The following ADCY2 variants were observed in gnomAD, a reference collection of about 807,000 sequenced individuals.
ADCY2 encodes adenylate cyclase type 2.
Under a neutral mutation model 125.2 loss-of-function variants are expected in ADCY2, and 31 were observed. The ratio of observed to expected loss-of-function variants is 0.25; its 90% CI spans 0.19 to 0.33. ADCY2 has a LOEUF of 0.33. Among genes scored for constraint, ADCY2 ranks in the 10% least tolerant of loss-of-function variants. ADCY2 has a pLI of 1.00. For synonymous variants in ADCY2, 512 were observed against 548.4 expected, an observed-to-expected ratio of 0.93 and a Z score of 0.93; for missense variants, 904 against 1,418.2, an observed-to-expected ratio of 0.64 and a Z score of 5.82.
intron 1 of ADCY2, among the ~76,000 whole-genome samples, chr5:7,410,769 C>T (rs1378787333): frequency 6.6e-6 from 1 of 151,978 alleles, no homozygotes; most frequent in Non-Finnish European, 1.5e-5. Flanking sequence ...GGTGAGGATA[C>T]ATAGGAATAT....
chr5:7,452,852 T>C (rs1018741838), intron 2 of ADCY2, among the ~76,000 whole-genome samples: 2 of 152,246 alleles, frequency 1.3e-5, no homozygotes, highest in Admixed American at 6.5e-5. Context: ...TGATGATTAA[T>C]GATGTTGAAC....
At chr5:7,601,085 C>T (rs1737184963) in intron 3 of ADCY2, among the ~76,000 whole-genome samples, 1 of 152,104 alleles carries the variant, frequency 6.6e-6, no homozygotes, top group Non-Finnish European at 1.5e-5. Context: ...GTCTCAAAGC[C>T]TTCAGTGGAT....
intron 3 of ADCY2, among the ~76,000 whole-genome samples, chr5:7,582,685 A>G (rs1736475188): frequency 6.6e-6 from 1 of 152,170 alleles, no homozygotes; most frequent in South Asian, 2.1e-4. Context: ...TAACCCTCCT[A>G]TGTGATTAAA....
chr5:7,476,581 A>G (rs766921281), intron 2 of ADCY2, among the ~76,000 whole-genome samples: 4 of 152,106 alleles, frequency 2.6e-5, no homozygotes, highest in Non-Finnish European at 5.9e-5. Flanking sequence ...GTCTCAGTGT[A>G]AGGCCACCAG....
intron 12 of ADCY2, among the ~76,000 whole-genome samples, chr5:7,722,968 A>AAAAAAAAAAAAAAAAAAAG (rs1741809434): frequency 7.5e-6 from 1 of 133,606 alleles, no homozygotes. Context: ...CTCAAAAAAA[A>AAAAAAAAAAAAAAAAAAAG]AAAAAAAAAA....
At chr5:7,482,205 G>A (rs994130815) in intron 2 of ADCY2, among the ~76,000 whole-genome samples, 2 of 152,086 alleles carry the variant, frequency 1.3e-5, no homozygotes, top group Non-Finnish European at 1.5e-5. Flanking sequence ...CCATAAACCT[G>A]TTGTTCACTT....
chr5:7,728,672 C>T (rs759822826), intron 14 of ADCY2, among the ~76,000 whole-genome samples: 17 of 152,168 alleles, frequency 1.1e-4, no homozygotes, highest in Non-Finnish European at 1.6e-4. Context: ...AAGCTACATA[C>T]GTGAAATAAC....
chr5:7,727,318 C>T (rs1741963072), intron 14 of ADCY2, 57 bp downstream of exon 14: 1 of 1,374,598 alleles, frequency 7.3e-7, no homozygotes, highest in African/African-American at 1.4e-5. Flanking sequence ...CCACTGGAGC[C>T]CAGTTATATT....
At chr5:7,750,759 G>T (rs117170829) in intron 15 of ADCY2, among the ~76,000 whole-genome samples, 4 of 151,822 alleles carry the variant, frequency 2.6e-5, no homozygotes, top group African/African-American at 9.7e-5. Flanking sequence ...CCCTTGTCTC[G>T]GTGGGAGTTT....
At chr5:7,755,137 G>A (rs536352335) in intron 15 of ADCY2, among the ~76,000 whole-genome samples, 8 of 152,288 alleles carry the variant, frequency 5.3e-5, no homozygotes, top group African/African-American at 1.7e-4. Context: ...GTACAGATCT[G>A]GTTCTTCTGT....
intron 4 of ADCY2, among the ~76,000 whole-genome samples, chr5:7,668,365 T>G (rs1579296864): frequency 6.6e-6 from 1 of 152,340 alleles, no homozygotes; most frequent in East Asian, 1.9e-4. Context: ...TCATCTGCCC[T>G]GTGGAATCTT....
chr5:7,655,889 G>A (rs976563312), intron 4 of ADCY2, among the ~76,000 whole-genome samples: 3 of 152,124 alleles, frequency 2.0e-5, no homozygotes, highest in Admixed American at 6.5e-5. Context: ...TCCACAGTCT[G>A]GGTTCTGGAG....
intron 3 of ADCY2, among the ~76,000 whole-genome samples, chr5:7,529,991 C>T (rs1198027902): frequency 6.6e-6 from 1 of 152,186 alleles, no homozygotes; most frequent in Admixed American, 6.5e-5. Context: ...AGGGCACTCC[C>T]TAATAAACAC....
chr5:7,430,230 G>A (rs1188128213), intron 2 of ADCY2, among the ~76,000 whole-genome samples: 1 of 151,970 alleles, frequency 6.6e-6, no homozygotes, highest in African/African-American at 2.4e-5. Context: ...TTCCTATAAA[G>A]AATGCTCCAG....
chr5:7,774,751 A>G (rs1743666583), intron 18 of ADCY2, among the ~76,000 whole-genome samples: 1 of 152,154 alleles, frequency 6.6e-6, no homozygotes, highest in Admixed American at 6.5e-5. Flanking sequence ...AGCTAGGGAG[A>G]CTGACTTGAG....
intron 13 of ADCY2, 59 bp downstream of exon 13, chr5:7,724,673 A>G: frequency 1.6e-6 from 2 of 1,268,592 alleles, no homozygotes; most frequent in South Asian, 2.6e-5. Flanking sequence ...GAATTTCTTC[A>G]TGAAATTGTG....
At chr5:7,674,355 A>C (rs532828572) in intron 4 of ADCY2, among the ~76,000 whole-genome samples, 1 of 152,054 alleles carries the variant, frequency 6.6e-6, no homozygotes, top group African/African-American at 2.4e-5. Flanking sequence ...AGGCGGGCAG[A>C]GGGAAGTATT....
At chr5:7,824,195 A>G (rs1745392499) in intron 24 of ADCY2, among the ~76,000 whole-genome samples, 6 of 152,126 alleles carry the variant, frequency 3.9e-5, no homozygotes, top group Admixed American at 3.9e-4. Flanking sequence ...GGTTCTTTTT[A>G]TTAAAGAGCA....
intron 3 of ADCY2, among the ~76,000 whole-genome samples, chr5:7,624,326 C>G (rs531282766): frequency 6.6e-6 from 1 of 152,258 alleles, no homozygotes; most frequent in Non-Finnish European, 1.5e-5. Flanking sequence ...ACACTTACAC[C>G]TATTTGGAGA....
Sources: allele counts gnomAD v4.1 joint callset (sites outside exome capture counted in the v4.1 genomes callset), GRCh38; gene constraint gnomAD v4.1.1; transcripts MANE v1.5; gene names NCBI Gene and HGNC (gene_info 2026-07-23, HGNC 2026-07-21).